VAV1: variants seen among roughly 807,000 people sequenced by gnomAD.
The protein encoded by VAV1 is vav guanine nucleotide exchange factor 1.
VAV1 carries 33 observed loss-of-function variants against 128.1 expected under a neutral mutation model. The observed-to-expected ratio is 0.26, with a 90% CI of 0.20 to 0.34. VAV1 has a LOEUF of 0.34. VAV1 is among the 10% of genes least tolerant of loss of function. VAV1 has a pLI of 1.00. For missense variants in VAV1, 715 were observed against 1,093.7 expected (o/e 0.65, Z 4.88); for synonymous variants, 394 against 409.8 (o/e 0.96, Z 0.47).
chr19:6,817,965 C>G (rs190637641), intron 1 of VAV1, among the ~76,000 whole-genome samples: 5 of 152,032 alleles, frequency 3.3e-5, no homozygotes, highest in Admixed American at 2.6e-4. Flanking sequence ...GGATTACAGG[C>G]ATGAGCCACC....
chr19:6,789,759 G>A lies in VAV1; in HGVS notation c.204+16748G>A, dbSNP rs561450575. On this transcript the variant is annotated intron_variant, in intron 1 of 26. Coordinates refer to ENST00000602142, the MANE Select transcript of VAV1 (RefSeq NM_005428.4). ...TTTATAGGCATGTGCCACCATATCC[G>A]GCTAATTTTTGTATTTTTTAGTAGA... Among the ~76,000 whole-genome samples the A allele has an allele frequency of 4.6e-5, 7 of 151,934 alleles. No individual in the cohort carries two copies. The East Asian group carries it at 9.8e-4, about 21-fold the overall frequency.
chr19:6,832,320 C>A, intron 15 of VAV1, 120 bp downstream of exon 15: 1 of 902,394 alleles, frequency 1.1e-6, no homozygotes, highest in South Asian at 1.7e-5. Flanking sequence ...ACCACAGTCT[C>A]TTCATTTGGG....
intron 1 of VAV1, among the ~76,000 whole-genome samples, chr19:6,804,215 GGGGCTTAGCCTGTGA>G (rs1971334983): frequency 6.6e-6 from 1 of 151,300 alleles, no homozygotes; most frequent in Admixed American, 6.6e-5. Flanking sequence ...GCCCCAAAGT[GGGGCTTAGCCTGTGA>G]GGCTTCTTGG....
intron 21 of VAV1, among the ~76,000 whole-genome samples, chr19:6,840,785 A>T (rs1038302250): frequency 1.3e-5 from 2 of 151,230 alleles, no homozygotes; most frequent in African/African-American, 4.9e-5. Flanking sequence ...TTCTACTTTT[A>T]AAAAAATTTT....
rs541219178 is a variant in VAV1, at chr19:6,811,896, T to C, written c.205-8806T>C. 5.9e-5 allele frequency among the ~76,000 whole-genome samples: 9 copies of C among 152,304 alleles called. No homozygotes were observed. The South Asian group carries it at 1.7e-3, about 28-fold the overall frequency. On this transcript the variant is annotated intron_variant, in intron 1 of 26. Transcript: ENST00000602142. ...GCTTCTAGTTCCAGGTCGGGGGGCT[T>C]TTCCCCGCAGATAATTCAGGGACCC...
chr19:6,780,820 C>A (rs1422864810), intron 1 of VAV1, among the ~76,000 whole-genome samples: 1 of 150,278 alleles, frequency 6.7e-6, no homozygotes, highest in Non-Finnish European at 1.5e-5. Flanking sequence ...ATGATCTGCC[C>A]GCCTCAGCCT....
chr19:6,821,418 AAAAG>A (rs1379095035), intron 2 of VAV1, among the ~76,000 whole-genome samples, 200 bp from the exon 3 acceptor site: 5 of 152,106 alleles, frequency 3.3e-5, no homozygotes, highest in Admixed American at 3.3e-4. Flanking sequence ...ACTAAAATAT[AAAAG>A]AAAGAAAGAA....
At position 6,828,042 on chromosome 19, in the gene VAV1, G is replaced by A. The variant is rs769397830; in HGVS notation, c.928-34G>A. ...CTGCAACTGGCTGTTTCTGGGACCT[G>A]CCTCAGTTTCCCCATTGTTCTCTGA... On this transcript the variant is annotated intron_variant, in intron 9 of 26. Coordinates refer to ENST00000602142, the MANE Select transcript of VAV1 (RefSeq NM_005428.4). This position sits in a 1 kb window ranked among gnomAD's most constrained non-coding sequence, Gnocchi z 4.5. The A allele has an allele frequency of 2.5e-6, 4 of 1,601,258 alleles. No homozygotes were observed. The African/African-American group carries it at 5.4e-5, about 21-fold the overall frequency.
At chr19:6,775,143 C>G (rs1970596229) in intron 1 of VAV1, among the ~76,000 whole-genome samples, 1 of 152,086 alleles carries the variant, frequency 6.6e-6, no homozygotes, top group Non-Finnish European at 1.5e-5. Context: ...GGCACTCCCC[C>G]CACCAACCTA....
chr19:6,825,249 T>C (rs1362503660), intron 7 of VAV1, 54 bp from the exon 8 acceptor site: 2 of 1,586,224 alleles, frequency 1.3e-6, no homozygotes, highest in Non-Finnish European at 1.7e-6. Flanking sequence ...CTTTCCTTCC[T>C]GGCCCCCTGA....
At chr19:6,816,168 C>T (rs576286465) in intron 1 of VAV1, among the ~76,000 whole-genome samples, 6 of 151,434 alleles carry the variant, frequency 4.0e-5, no homozygotes, top group East Asian at 2.1e-4. Flanking sequence ...TACAGGCGCA[C>T]ACCACCACGC....
At chr19:6,815,545 G>A (rs1462978185) in intron 1 of VAV1, among the ~76,000 whole-genome samples, 1 of 152,148 alleles carries the variant, frequency 6.6e-6, no homozygotes, top group Admixed American at 6.6e-5. Context: ...CATATGCAAT[G>A]GGTTGCATAG....
At chr19:6,836,227 G>C in intron 19 of VAV1, 1 of 610,146 alleles carries the variant, frequency 1.6e-6, no homozygotes, top group Non-Finnish European at 2.8e-6. Flanking sequence ...TAGATACAAT[G>C]TTTAGCTTCA....
Position 6,848,056 on chromosome 19 carries a change from G to C in VAV1, c.2071G>C (p.Gly691Arg). The change falls in exon 23 of 27, where the codon GGG becomes CGG. Residue 691 changes from glycine to arginine, a missense_variant. Around this residue, in one of 3 missense-constraint regions of VAV1, gnomAD observed 407 missense variants for 580.6 expected, o/e 0.70. Transcript: ENST00000602142. The part of the protein sequence containing the change: ...AESILANRSD[G>R]TFLVRQRVKD... ...GAGCATCCTGGCCAACCGCTCGGAC[G>C]GGACTTTCTTGGTGCGGCAGAGGGT... is the stretch of plus-strand genomic sequence containing the variant. The C allele has an allele frequency of 6.5e-7, 1 of 1,543,252 alleles. No homozygotes were observed. Among genetic ancestry groups the C allele is most frequent in the Non-Finnish European group, 8.7e-7 (1 of 1,153,290 alleles).
Position 6,777,480 on chromosome 19 carries a change from G to A in VAV1, c.204+4469G>A, listed in dbSNP as rs936255900. Among the ~76,000 whole-genome samples, 2 of 152,214 alleles carry A rather than the reference G, an allele frequency of 1.3e-5. No homozygotes were observed. The highest frequency in any genetic ancestry group is 4.8e-5 in the African/African-American group (2 of 41,454). ...GAGAAAACAAAGTGGAACAGGGTAT[G>A]AGGGGGGCACTTTGACGAGGAGGGC... On this transcript the variant is annotated intron_variant, in intron 1 of 26. Coordinates refer to ENST00000602142, the MANE Select transcript of VAV1 (RefSeq NM_005428.4). This position sits in a 1 kb window ranked among gnomAD's most constrained non-coding sequence, Gnocchi z 4.4.
chr19:6,806,065 C>A (rs1358137358), intron 1 of VAV1, among the ~76,000 whole-genome samples: 2 of 152,006 alleles, frequency 1.3e-5, no homozygotes, highest in Non-Finnish European at 2.9e-5. Context: ...GGGCCAAATG[C>A]AGCCTGCCAC....
At chr19:6,835,208 T>C (rs1393901499) in intron 19 of VAV1, among the ~76,000 whole-genome samples, 2 of 85,412 alleles carry the variant, frequency 2.3e-5, no homozygotes, top group African/African-American at 4.5e-5. Flanking sequence ...TGTATATATA[T>C]ATACATACAC....
At chr19:6,783,746 G>A (rs997674238) in intron 1 of VAV1, among the ~76,000 whole-genome samples, 2 of 152,012 alleles carry the variant, frequency 1.3e-5, no homozygotes, top group Admixed American at 1.3e-4. Flanking sequence ...GGGATTACAG[G>A]CGTGAGCCAC....
At chr19:6,773,055 G>A (rs1408799110) in intron 1 of VAV1, 44 bp downstream of exon 1, 1 of 1,610,588 alleles carries the variant, frequency 6.2e-7, no homozygotes, top group African/African-American at 1.3e-5. Context: ...GGAGACGGGG[G>A]TCCTCCCCGG....
Sources: allele counts gnomAD v4.1 joint callset (sites outside exome capture counted in the v4.1 genomes callset), GRCh38; gene constraint gnomAD v4.1.1; regional missense constraint gnomAD v4.1.1; non-coding constraint Gnocchi (gnomAD v3.1); transcripts MANE v1.5; gene names NCBI Gene and HGNC (gene_info 2026-07-23, HGNC 2026-07-21).